Variants in CHODL observed in about 807,000 individuals in gnomAD.
CHODL encodes chondrolectin.
CHODL carries 29 observed loss-of-function variants against 34.5 expected under a neutral mutation model. The observed-to-expected ratio is 0.84, with a 90% CI of 0.63 to 1.15. The LOEUF is 1.15. Ranked by LOEUF, CHODL falls within the 50% of genes most tolerant of loss-of-function variation. The probability of loss-of-function intolerance (pLI) is 0.00; values close to 1 mark genes in which losing one functional copy is unlikely to be tolerated. For missense variants in CHODL, 332 were observed against 332.5 expected (o/e 1.00, Z 0.01); for synonymous variants, 125 against 116.1 (o/e 1.08, Z -0.49).
intron 2 of CHODL, among the ~76,000 whole-genome samples, chr21:18,097,281 CATCCT>C (rs2065151496): frequency 6.6e-6 from 1 of 152,072 alleles, no homozygotes; most frequent in Non-Finnish European, 1.5e-5. Context: ...AAAGTCAAAT[CATCCT>C]TGTTTGCAGA....
chr21:17,970,342 G>T (rs965322326), intron 1 of CHODL, among the ~76,000 whole-genome samples: 1 of 151,998 alleles, frequency 6.6e-6, no homozygotes, highest in African/African-American at 2.4e-5. Flanking sequence ...TTCTCAATTT[G>T]TTCCAAAATT....
intron 1 of CHODL, among the ~76,000 whole-genome samples, chr21:17,989,689 C>G (rs1233728387): frequency 2.0e-5 from 3 of 152,092 alleles, no homozygotes; most frequent in African/African-American, 7.2e-5. Context: ...GATTCTGGGA[C>G]CTTTTCAGCT....
chr21:17,997,427 A>G (rs1417277695), intron 1 of CHODL, among the ~76,000 whole-genome samples: 1 of 152,228 alleles, frequency 6.6e-6, no homozygotes, highest in African/African-American at 2.4e-5. Flanking sequence ...TACTGCTACG[A>G]GCCAACATCA....
Position 18,266,228 on chromosome 21 carries a change from A to C in CHODL, c.*190A>C. On this transcript the variant is annotated 3_prime_UTR_variant, in exon 6 of 6. Coordinates refer to ENST00000299295, the MANE Select transcript of CHODL (RefSeq NM_024944.3). ...CATTTAAAGAATATGCTGTGCTAATAATGGAGTGAGACATGCTTATTTTGC... is the reference window on the plus strand; with the variant it reads ...CATTTAAAGAATATGCTGTGCTAATCATGGAGTGAGACATGCTTATTTTGC... 6.6e-7 allele frequency: 1 copy of C among 1,508,332 alleles called. No homozygotes were observed. The highest frequency in any genetic ancestry group is 2.5e-5 in the East Asian group (1 of 40,502). 93.4% of individuals were successfully genotyped at this position (1,508,332 alleles called of 1,614,324 possible).
chr21:17,993,782 A>G (rs759054744), intron 1 of CHODL, among the ~76,000 whole-genome samples: 1 of 152,192 alleles, frequency 6.6e-6, no homozygotes, highest in South Asian at 2.1e-4. Flanking sequence ...ATGTCTTTGA[A>G]TAATCTCCAC....
At chr21:18,195,331 G>A (rs1224305697) in intron 2 of CHODL, among the ~76,000 whole-genome samples, 1 of 152,172 alleles carries the variant, frequency 6.6e-6, no homozygotes, top group Non-Finnish European at 1.5e-5. Context: ...TGGGATTACA[G>A]GCGTGAGCCA....
At chr21:18,171,815 T>A (rs1029562460) in intron 2 of CHODL, among the ~76,000 whole-genome samples, 6 of 151,826 alleles carry the variant, frequency 4.0e-5, no homozygotes, top group Non-Finnish European at 8.8e-5. Flanking sequence ...ATGTGTCCAC[T>A]AGGTCTCTTC....
chr21:17,972,365 G>A (rs2063622196), intron 1 of CHODL, among the ~76,000 whole-genome samples: 1 of 152,186 alleles, frequency 6.6e-6, no homozygotes, highest in Non-Finnish European at 1.5e-5. Flanking sequence ...TCTCTTTGCA[G>A]ATGACATGAT....
At chr21:17,964,222 T>A (rs902292326) in intron 1 of CHODL, among the ~76,000 whole-genome samples, 41 of 152,358 alleles carry the variant, frequency 2.7e-4, no homozygotes, top group African/African-American at 9.9e-4. Flanking sequence ...GATACATGTG[T>A]TTCATATTTT....
At chr21:17,986,132 T>A (rs907693255) in intron 1 of CHODL, among the ~76,000 whole-genome samples, 6 of 152,136 alleles carry the variant, frequency 3.9e-5, no homozygotes, top group Admixed American at 3.9e-4. Context: ...GTACTTAATT[T>A]TTTTATTTTA....
intron 2 of CHODL, among the ~76,000 whole-genome samples, chr21:18,126,611 A>G (rs2065548023): frequency 6.7e-6 from 1 of 148,692 alleles, no homozygotes; most frequent in South Asian, 2.1e-4. Flanking sequence ...TTTTTTTTGC[A>G]TCTTCTTCAG....
At chr21:17,992,097 A>G (rs2063801925) in intron 1 of CHODL, among the ~76,000 whole-genome samples, 1 of 152,004 alleles carries the variant, frequency 6.6e-6, no homozygotes, top group Non-Finnish European at 1.5e-5. Context: ...TCTTCAGTGT[A>G]TGTTCTTGGT....
At chr21:18,163,726 G>A (rs1329224926) in intron 2 of CHODL, among the ~76,000 whole-genome samples, 1 of 152,152 alleles carries the variant, frequency 6.6e-6, no homozygotes, top group East Asian at 1.9e-4. Flanking sequence ...TAAGTTTCTT[G>A]AGGTATTGTT....
chr21:18,194,880 AGTAT>A (rs2073564239), intron 2 of CHODL, among the ~76,000 whole-genome samples: 1 of 152,058 alleles, frequency 6.6e-6, no homozygotes, highest in Non-Finnish European at 1.5e-5. Flanking sequence ...GTTGTTTTGA[AGTAT>A]GTATATATTG....
chr21:18,142,731 A>G (rs1289288467), intron 2 of CHODL, among the ~76,000 whole-genome samples: 1 of 152,128 alleles, frequency 6.6e-6, no homozygotes, highest in Non-Finnish European at 1.5e-5. Flanking sequence ...TTTTCTTACA[A>G]AACTTGTATT....
chr21:18,048,408 G>T lies in CHODL; in HGVS notation c.-45+20437G>T, dbSNP rs77384127. ...AATTTGGGTGGAATTAAAAAACAAT[G>T]AGACATGGTTGGAGGAACTAGGTGT... On this transcript the variant is annotated intron_variant, in intron 2 of 6. Coordinates refer to the CHODL transcript ENST00000400127. 7.7e-3 allele frequency among the ~76,000 whole-genome samples: 1,169 copies of T among 151,980 alleles called. 22 individuals carry two copies. The highest frequency in any genetic ancestry group is 0.027 in the African/African-American group (1,117 of 41,516).
chr21:18,182,108 T>C (rs2073388845), intron 2 of CHODL, among the ~76,000 whole-genome samples: 1 of 152,216 alleles, frequency 6.6e-6, no homozygotes, highest in South Asian at 2.1e-4. Context: ...CTGGGTAATA[T>C]GTTCATGCTG....
intron 2 of CHODL, chr21:18,034,476 T>A (rs757780937): frequency 6.6e-6 from 1 of 151,994 alleles, no homozygotes; most frequent in Non-Finnish European, 1.5e-5. Context: ...CTGGGGAAAG[T>A]CTACAAATTA....
In CHODL at chr21:17,989,771, C is replaced by T. The variant is rs57993017; in HGVS notation, c.-144-38101C>T. ...ATTTACAATCCACGTAAACACATTC[C>T]GGTTTTCAAAAATAAATTGGTACTA... On this transcript the variant is annotated intron_variant, in intron 1 of 6. Transcript: ENST00000400127. Among the ~76,000 whole-genome samples, 832 of 152,234 alleles carry T rather than the reference C, an allele frequency of 5.5e-3. 6 individuals are homozygous for T. The highest frequency in any genetic ancestry group is 0.013 in the African/African-American group (549 of 41,554).
Sources: gnomAD v4.1 joint callset for allele counts (sites outside exome capture counted in the v4.1 genomes callset) on GRCh38, gnomAD v4.1.1 for gene constraint, MANE v1.5 for transcripts, NCBI Gene and HGNC (gene_info 2026-07-23, HGNC 2026-07-21) for gene names.